The following PRDM16 variants were observed in gnomAD, a reference collection of about 807,000 sequenced individuals.
The protein encoded by PRDM16 is PR/SET domain 16.
PRDM16 carries 23 observed loss-of-function variants against 110.6 expected under a neutral mutation model. That is an observed-to-expected ratio of 0.21 (90% CI 0.15 to 0.29). The LOEUF (loss-of-function observed/expected upper bound fraction) is 0.29, where lower values mean the gene tolerates loss of function less well. PRDM16 is among the 10% of genes least tolerant of loss of function. PRDM16 has a pLI of 1.00. For missense variants in PRDM16, 1,615 were observed against 1,794.3 expected, an observed-to-expected ratio of 0.90 and a Z score of 1.81; for synonymous variants, 799 against 781.8, an observed-to-expected ratio of 1.02 and a Z score of -0.37.
chr1:3,309,702 C>A (rs1641402587), intron 3 of PRDM16: 2 of 152,326 alleles, frequency 1.3e-5, no homozygotes, highest in South Asian at 4.1e-4. Context: ...AGGACCAGCT[C>A]ACCTTGGGAA....
In PRDM16 at chr1:3,434,827, G is replaced by A. The variant is rs936720958; in HGVS notation, c.*1016G>A. On this transcript the variant is annotated 3_prime_UTR_variant, in exon 17 of 17. Transcript: ENST00000270722. The stretch of plus-strand genomic sequence containing the variant: ...CGGCCACCCCACGCGGGAACCCAGC[G>A]CCGTCCTCTGAAGGCAGGGCCTTGG... 21 of 231,882 alleles carry A rather than the reference G, an allele frequency of 9.1e-5. No individual in the cohort carries two copies. The highest frequency in any genetic ancestry group is 4.0e-4 in the African/African-American group (18 of 45,260). The allele number at this position is 231,882 out of a possible 1,614,324, so 14.4% of individuals were successfully genotyped here. A position where few individuals can be genotyped will look rare whatever the true frequency, so the allele number is the denominator to read the frequency against.
In PRDM16 at chr1:3,339,618, C is replaced by T. The variant is rs562035990; in HGVS notation, c.439-45534C>T. 8.4e-4 allele frequency among the ~76,000 whole-genome samples: 128 copies of T among 152,240 alleles called. No individual in the cohort carries two copies. Among genetic ancestry groups the T allele is most frequent in the Non-Finnish European group, 1.7e-3 (116 of 68,026 alleles). ...ACCATTGCCTTGGTCTCGCTCACAC[C>T]TCCCACCTTGCTCGTGAAGGTGACA... On this transcript the variant is annotated intron_variant, in intron 3 of 16. Coordinates refer to ENST00000270722, the MANE Select transcript of PRDM16 (RefSeq NM_022114.4). This position sits in a 1 kb window ranked among gnomAD's most constrained non-coding sequence, Gnocchi z 5.0.
At chr1:3,127,454 C>T (rs1363476546) in intron 1 of PRDM16, among the ~76,000 whole-genome samples, 1 of 152,222 alleles carries the variant, frequency 6.6e-6, no homozygotes, top group Non-Finnish European at 1.5e-5. Context: ...TTATTGCTTG[C>T]ACGATCTGTG....
rs574557181 is a variant in PRDM16 at position 3,213,877 on chromosome 1, A to G, written c.387+27403A>G. Among the ~76,000 whole-genome samples the G allele has an allele frequency of 6.6e-6, 1 of 152,180 alleles. No individual in the cohort carries two copies. Among genetic ancestry groups the G allele is most frequent in the African/African-American group, 2.4e-5 (1 of 41,518 alleles). On this transcript the variant is annotated intron_variant, in intron 2 of 16. Coordinates refer to ENST00000270722, the MANE Select transcript of PRDM16 (RefSeq NM_022114.4). This position sits in a 1 kb window ranked among gnomAD's most constrained non-coding sequence, Gnocchi z 5.3. ...CCCCCCATTAATCCTGCAATTCCAG[A>G]TCATTATCAAGGTCACTGCCTGGTA...
At chr1:3,417,681 G>A (rs1412194100) in intron 10 of PRDM16, 147 bp from the exon 11 acceptor site, 5 of 733,076 alleles carry the variant, frequency 6.8e-6, no homozygotes, top group Non-Finnish European at 1.2e-5. Flanking sequence ...CCAACCCAGG[G>A]TCCAAGAAAA....
chr1:3,277,592 C>T (rs903731421), intron 3 of PRDM16, among the ~76,000 whole-genome samples: 1 of 152,212 alleles, frequency 6.6e-6, no homozygotes, highest in South Asian at 2.1e-4. Context: ...GCCCCTGGGA[C>T]GTTGTCCAGG....
At chr1:3,305,350 G>A (rs558123498) in intron 3 of PRDM16, among the ~76,000 whole-genome samples, 11 of 152,250 alleles carry the variant, frequency 7.2e-5, no homozygotes, top group South Asian at 4.2e-4. Flanking sequence ...CAGTTGCCCC[G>A]CAGCCCCTGC....
At chr1:3,227,214 C>T (rs549642249) in intron 2 of PRDM16, among the ~76,000 whole-genome samples, 1 of 152,354 alleles carries the variant, frequency 6.6e-6, no homozygotes, top group Non-Finnish European at 1.5e-5. Context: ...TCTCGCCCGG[C>T]GAGGACCTGC....
rs1642460691 is a variant in PRDM16, at chr1:3,350,486, C to G, written c.439-34666C>G. Among the ~76,000 whole-genome samples the G allele has an allele frequency of 6.6e-6, 1 of 152,162 alleles. No homozygotes were observed. The highest frequency in any genetic ancestry group is 6.5e-5 in the Admixed American group (1 of 15,280). On this transcript the variant is annotated intron_variant, in intron 3 of 16. Transcript: ENST00000270722. The surrounding 1 kb of genome is among the most constrained non-coding windows in gnomAD (Gnocchi z 7.1). ...GGGTCAGGTTTGGTGACACTTGGAT[C>G]CAGACATAATGTGTGTTAAGATCAA...
chr1:3,188,716 A>G (rs1289570319), intron 2 of PRDM16, among the ~76,000 whole-genome samples: 1 of 151,994 alleles, frequency 6.6e-6, no homozygotes, highest in East Asian at 1.9e-4. Flanking sequence ...ACCACCTTTG[A>G]GTTTTGTTGC....
intron 4 of PRDM16, among the ~76,000 whole-genome samples, chr1:3,387,111 C>G (rs1363168157): frequency 1.3e-5 from 2 of 152,150 alleles, no homozygotes; most frequent in African/African-American, 4.8e-5. Flanking sequence ...ATGGTCAGGA[C>G]CAGGGGGCAG....
chr1:3,373,731 C>T (rs1245810665), intron 3 of PRDM16, among the ~76,000 whole-genome samples: 1 of 152,208 alleles, frequency 6.6e-6, no homozygotes, highest in East Asian at 1.9e-4. Context: ...GTGTGGCAAA[C>T]CCACTCCAGC....
At chr1:3,128,653 T>C (rs1643261586) in intron 1 of PRDM16, among the ~76,000 whole-genome samples, 1 of 151,938 alleles carries the variant, frequency 6.6e-6, no homozygotes, top group African/African-American at 2.4e-5. Flanking sequence ...CAGCCCTCTG[T>C]GGACTGCCCT....
chr1:3,411,236 G>T, intron 8 of PRDM16, 148 bp from the exon 9 acceptor site: 1 of 708,080 alleles, frequency 1.4e-6, no homozygotes, highest in South Asian at 1.9e-5. Flanking sequence ...ATACACCCAT[G>T]CCCACGCACA....
chr1:3,127,653 C>T (rs538784233), intron 1 of PRDM16, among the ~76,000 whole-genome samples: 2 of 152,376 alleles, frequency 1.3e-5, no homozygotes, highest in East Asian at 3.9e-4. Context: ...TTCCCCAGTG[C>T]CCAGGACAGT....
At chr1:3,386,167 C>T (rs11810266) in intron 4 of PRDM16, among the ~76,000 whole-genome samples, 2 of 113,280 alleles carry the variant, frequency 1.8e-5, no homozygotes, top group Admixed American at 1.9e-4. Context: ...TGCCCGGGGT[C>T]CCCGGCCCCT....
intron 1 of PRDM16, among the ~76,000 whole-genome samples, chr1:3,144,794 C>T (rs1042892374): frequency 1.3e-5 from 2 of 152,208 alleles, no homozygotes; most frequent in African/African-American, 4.8e-5. Context: ...CTCAAGAATG[C>T]CCTGAGACCA....
At chr1:3,098,078 T>G (rs1642448131) in intron 1 of PRDM16, among the ~76,000 whole-genome samples, 1 of 152,176 alleles carries the variant, frequency 6.6e-6, no homozygotes, top group Admixed American at 6.5e-5. Flanking sequence ...GTGCGGCTCC[T>G]TCCCAGTCTG....
At chr1:3,396,460 T>A (rs1218777852) in intron 4 of PRDM16, 31 bp from the exon 5 acceptor site, 1 of 1,259,378 alleles carries the variant, frequency 7.9e-7, no homozygotes, top group Admixed American at 1.9e-5. Context: ...CAAACCACAC[T>A]CACCCTTTCT....
Sources: gnomAD v4.1 joint callset for allele counts (sites outside exome capture counted in the v4.1 genomes callset) on GRCh38, gnomAD v4.1.1 for gene constraint, Gnocchi (gnomAD v3.1) non-coding constraint, MANE v1.5 for transcripts, NCBI Gene and HGNC (gene_info 2026-07-23, HGNC 2026-07-21) for gene names.